The following CFI variants were observed in gnomAD, a reference collection of about 807,000 sequenced individuals.
CFI encodes the protein complement factor I, also known as C3B/C4B inactivator.
Under a neutral mutation model 78.8 loss-of-function variants are expected in CFI, and 66 were observed. The observed-to-expected ratio is 0.84, with a 90% CI of 0.69 to 1.03. The LOEUF is 1.03. Among genes scored for constraint, CFI ranks in the 50% least tolerant of loss-of-function variants. The pLI is 0.00. For synonymous variants in CFI, 250 were observed against 232.6 expected (o/e 1.07, Z -0.68); for missense variants, 706 against 704.5 (o/e 1.00, Z -0.02).
the CFI span, among the ~76,000 whole-genome samples, chr4:109,734,575 G>A: frequency 2.0e-5 from 3 of 152,148 alleles, no homozygotes; most frequent in East Asian, 1.9e-4. Flanking sequence ...AGGCCAAGGC[G>A]GGCAGATCAC....
At position 109,783,812 on chromosome 4, in the gene CFI, G is replaced by GATATATATATAT. The variant is rs34128338; in HGVS notation, c.58-17000_58-16989dup. 1.0e-3 allele frequency among the ~76,000 whole-genome samples: 114 copies of GATATATATATAT among 113,028 alleles called. 7 individuals are homozygous for GATATATATATAT. Among genetic ancestry groups the GATATATATATAT allele is most frequent in the African/African-American group, 1.8e-3 (54 of 30,274 alleles). 74.2% of individuals were successfully genotyped at this position (113,028 alleles called of 152,430 possible). On this transcript the variant is annotated intron_variant, in intron 1 of 12. Transcript: ENST00000394634. Reference sequence around the variant, plus strand: ...TTCAATGAGTGGATAAAGAAACTGTGATATATATATATATATATATATGAT... The same window carrying GATATATATATAT: ...TTCAATGAGTGGATAAAGAAACTGTGATATATATATATATATATATATATATATATATATGAT...
chr4:109,739,686 T>C (rs1358040488), downstream of CFI, among the ~76,000 whole-genome samples: 1 of 152,082 alleles, frequency 6.6e-6, no homozygotes, highest in Admixed American at 6.5e-5. Flanking sequence ...CTAGGAAAGG[T>C]CAGAGCTGAA....
chr4:109,801,734 T>A (rs180691619), intron 1 of CFI, among the ~76,000 whole-genome samples, 181 bp downstream of exon 1: 224 of 152,332 alleles, frequency 1.5e-3, no homozygotes, highest in Middle Eastern at 0.014. Flanking sequence ...GAACTATTTT[T>A]AAAAAATCAC....
At chr4:109,797,633 T>C (rs1314537017) in intron 1 of CFI, among the ~76,000 whole-genome samples, 1 of 152,144 alleles carries the variant, frequency 6.6e-6, no homozygotes, top group Non-Finnish European at 1.5e-5. Flanking sequence ...ACATATACAA[T>C]GGAAGAAATA....
At chr4:109,775,868 C>G (rs1250116272) in intron 1 of CFI, among the ~76,000 whole-genome samples, 2 of 152,188 alleles carry the variant, frequency 1.3e-5, no homozygotes, top group South Asian at 4.1e-4. Flanking sequence ...GATACCCAGG[C>G]AAACAGGGTC....
At chr4:109,789,803 G>A (rs1182155601) in intron 1 of CFI, among the ~76,000 whole-genome samples, 2 of 151,986 alleles carry the variant, frequency 1.3e-5, no homozygotes, top group African/African-American at 4.8e-5. Flanking sequence ...CTTTGATTTT[G>A]CTATTATGGT....
At chr4:109,801,817 T>C in intron 1 of CFI, 98 bp downstream of exon 1, 1 of 787,942 alleles carries the variant, frequency 1.3e-6, no homozygotes, top group Non-Finnish European at 2.1e-6. Flanking sequence ...AACTATGTAA[T>C]ATTTAAATCA....
In CFI at chr4:109,760,365, C is replaced by G. The variant is rs200544168; in HGVS notation, c.788G>C (p.Gly263Ala). ...GCAAACACCCGATTTGCAATGGAAG[C>G]CTTTGCCTTGGCATGCTGTGCAAAC... Reference protein sequence around the residue: ...ELCCKACQGKGFHCKSGVCIP... With the variant: ...ELCCKACQGKAFHCKSGVCIP... Residue 263 changes from glycine (G) to alanine (A), a missense_variant, in exon 6 of 13, where the codon GGC becomes GCC. Transcript: ENST00000394634. The G allele has an allele frequency of 1.2e-6, 2 of 1,613,922 alleles. No homozygotes were observed. Among genetic ancestry groups the G allele is most frequent in the Non-Finnish European group, 8.5e-7 (1 of 1,179,810 alleles).
the CFI span, among the ~76,000 whole-genome samples, chr4:109,735,277 A>G: frequency 6.6e-6 from 1 of 152,158 alleles, no homozygotes; most frequent in African/African-American, 2.4e-5. Flanking sequence ...TTCTATATAG[A>G]ACTTCCCAGA....
chr4:109,742,597 TA>T lies in CFI; in HGVS notation c.1430-3del. ...GAAGTGAAAAGACTCTTTCGTTATCTAAACAAAGTGAGAAAGCAAACATTTA... is the reference window on the plus strand; with the variant it reads ...GAAGTGAAAAGACTCTTTCGTTATCTAACAAAGTGAGAAAGCAAACATTTA... On this transcript the variant is annotated splice_polypyrimidine_tract_variant and splice_region_variant and intron_variant, in intron 11 of 12. Coordinates refer to ENST00000394634, the MANE Select transcript of CFI (RefSeq NM_000204.5). 1 of 1,578,022 alleles carries T rather than the reference TA, an allele frequency of 6.3e-7. No homozygotes were observed. Among genetic ancestry groups the T allele is most frequent in the Non-Finnish European group, 8.7e-7 (1 of 1,147,416 alleles).
At chr4:109,787,264 G>A (rs868780127) in intron 1 of CFI, among the ~76,000 whole-genome samples, 68 of 152,206 alleles carry the variant, frequency 4.5e-4, no homozygotes, top group Middle Eastern at 3.4e-3. Flanking sequence ...CTTTCTTCCA[G>A]AAGTGAATAA....
chr4:109,742,508 T>C lies in CFI; in HGVS notation c.1517A>G (p.Lys506Arg). 1.2e-6 allele frequency: 2 copies of C among 1,612,204 alleles called. No individual in the cohort carries two copies. The highest frequency in any genetic ancestry group is 1.7e-6 in the Non-Finnish European group (2 of 1,178,266). Residue 506 changes from lysine (K) to arginine (R), a missense_variant, in exon 12 of 13, where the codon AAA becomes AGA. Transcript: ENST00000394634. ...SKFYGNRFYEKEMECAGTYDG... is the reference protein window; with the variant it reads ...SKFYGNRFYEREMECAGTYDG... Reference sequence around the variant, plus strand: ...GCACTTACCTGCACATTCCATTTCTTTTTCATAGAAACGATTTCCGTAAAA... The same window carrying C: ...GCACTTACCTGCACATTCCATTTCTCTTTCATAGAAACGATTTCCGTAAAA...
chr4:109,754,137 C>T (rs964458394), intron 7 of CFI, among the ~76,000 whole-genome samples: 5 of 151,526 alleles, frequency 3.3e-5, no homozygotes, highest in Non-Finnish European at 5.9e-5. Context: ...GTGTGCGTCA[C>T]CATGCCCGGC....
chr4:109,755,806 C>T (rs1183671863), intron 7 of CFI, among the ~76,000 whole-genome samples: 2 of 152,116 alleles, frequency 1.3e-5, no homozygotes, highest in East Asian at 1.9e-4. Context: ...CTAGATGCCT[C>T]GAAGAAATCC....
intron 1 of CFI, among the ~76,000 whole-genome samples, chr4:109,789,137 A>G (rs998941386): frequency 2.0e-5 from 3 of 151,978 alleles, no homozygotes; most frequent in African/African-American, 7.2e-5. Context: ...AAGACATATC[A>G]ATGGAAACTA....
chr4:109,735,160 G>T, the CFI span, among the ~76,000 whole-genome samples: 2 of 152,124 alleles, frequency 1.3e-5, no homozygotes, highest in South Asian at 2.1e-4. Context: ...TCCCTGTGTT[G>T]CCCAGGCTGG....
At position 109,746,369 on chromosome 4, in the gene CFI, T is replaced by C. The variant is rs1457244656; in HGVS notation, c.1282A>G (p.Asn428Asp). 1 of 1,614,176 alleles carries C rather than the reference T, an allele frequency of 6.2e-7. No homozygotes were observed. The highest frequency in any genetic ancestry group is 8.5e-7 in the Non-Finnish European group (1 of 1,180,034). The change falls in exon 11 of 13, where the codon AAT becomes GAT. Residue 428 changes from asparagine to aspartate, a missense_variant. Transcript: ENST00000394634. ...HENYNAGTYQ[N>D]DIALIEMKKD... The stretch of plus-strand genomic sequence containing the variant: ...TTCATTTCAATCAAAGCGATGTCAT[T>C]TTGGTAAGTGCCTGCATTGTAGTTT...
intron 7 of CFI, among the ~76,000 whole-genome samples, chr4:109,755,079 A>G (rs891516580): frequency 6.6e-6 from 1 of 152,338 alleles, no homozygotes; most frequent in East Asian, 1.9e-4. Context: ...CTTGCAAATC[A>G]GTAAGAAAGA....
At chr4:109,741,425 G>A (rs1723779103) in intron 12 of CFI, 1 of 856,882 alleles carries the variant, frequency 1.2e-6, no homozygotes, top group Non-Finnish European at 1.4e-6. Flanking sequence ...TGATGGGACT[G>A]CCTAGTGCTT....
Sources: allele counts gnomAD v4.1 joint callset (sites outside exome capture counted in the v4.1 genomes callset), GRCh38; gene constraint gnomAD v4.1.1; transcripts MANE v1.5; gene names NCBI Gene and HGNC (gene_info 2026-07-23, HGNC 2026-07-21).